The following CCNY variants were observed in gnomAD, a reference collection of about 807,000 sequenced individuals.
CCNY encodes cyclin Y.
CCNY carries 19 observed loss-of-function variants against 42.8 expected under a neutral mutation model. That is an observed-to-expected ratio of 0.44 (90% CI 0.31 to 0.65). The LOEUF (loss-of-function observed/expected upper bound fraction) is 0.65, where lower values mean the gene tolerates loss of function less well. Among genes scored for constraint, CCNY ranks in the 30% least tolerant of loss-of-function variants. The probability of loss-of-function intolerance (pLI) is 0.07; values close to 1 mark genes in which losing one functional copy is unlikely to be tolerated. For synonymous variants in CCNY, 165 were observed against 162.7 expected (o/e 1.01, Z -0.11); for missense variants, 370 against 437.3 (o/e 0.85, Z 1.37).
intron 3 of CCNY, chr10:35,316,449 CAT>C (rs1298832433): frequency 3.3e-5 from 5 of 152,180 alleles, no homozygotes; most frequent in African/African-American, 1.2e-4. Context: ...ACAGGATTAA[CAT>C]GTTTATAATA....
At chr10:35,483,702 A>G (rs759554789) in intron 2 of CCNY, among the ~76,000 whole-genome samples, 1 of 152,146 alleles carries the variant, frequency 6.6e-6, no homozygotes, top group South Asian at 2.1e-4. Flanking sequence ...TCAATCAGCT[A>G]TATTATTTCT....
chr10:35,360,275 T>C (rs1194148055), intron 1 of CCNY, among the ~76,000 whole-genome samples: 1 of 125,226 alleles, frequency 8.0e-6, no homozygotes, highest in African/African-American at 3.0e-5. Flanking sequence ...TTTTTTTTCC[T>C]TTCTTTTCTT....
intron 3 of CCNY, among the ~76,000 whole-genome samples, chr10:35,304,294 AT>A (rs879681124): frequency 0.024 from 2,643 of 110,844 alleles, 628 homozygotes; most frequent in African/African-American, 0.05. Context: ...TTCTCCTTTT[AT>A]TTTTTTTTTT....
At chr10:35,532,060 G>T (rs1840780691) in intron 7 of CCNY, among the ~76,000 whole-genome samples, 1 of 152,242 alleles carries the variant, frequency 6.6e-6, no homozygotes, top group African/African-American at 2.4e-5. Context: ...TTGTATGGGG[G>T]TCTTGTTGGT....
chr10:35,520,685 A>G (rs1016412577), intron 4 of CCNY, among the ~76,000 whole-genome samples: 4 of 152,222 alleles, frequency 2.6e-5, no homozygotes, highest in Non-Finnish European at 4.4e-5. Flanking sequence ...ATGCTAATCT[A>G]ACAGTGAAAG....
chr10:35,297,196 G>T (rs1835481135), intron 3 of CCNY, among the ~76,000 whole-genome samples: 1 of 151,676 alleles, frequency 6.6e-6, no homozygotes, highest in Admixed American at 6.6e-5. Context: ...AAAAAGATTG[G>T]TTCAACACAC....
chr10:35,569,461 G>A lies in CCNY; in HGVS notation c.*291G>A, dbSNP rs1289480873. 5 of 437,402 alleles carry A rather than the reference G, an allele frequency of 1.1e-5. No individual in the cohort carries two copies. In the East Asian group the frequency reaches 2.2e-4, roughly 19 times the overall value. 27.1% of individuals were successfully genotyped at this position (437,402 alleles called of 1,614,324 possible). On this transcript the variant is annotated 3_prime_UTR_variant, in exon 10 of 10. Coordinates refer to ENST00000374704, the MANE Select transcript of CCNY (RefSeq NM_145012.6). ...GGGAAAGGGAAGTCGTGGAGAGGCA[G>A]GGAAAATGGTTAAGCAGCCCGGCCC... is the stretch of plus-strand genomic sequence containing the variant.
intron 1 of CCNY, among the ~76,000 whole-genome samples, chr10:35,452,671 C>G (rs1198104867): frequency 1.3e-5 from 2 of 149,766 alleles, no homozygotes; most frequent in African/African-American, 4.9e-5. Flanking sequence ...AATTGAAAAA[C>G]TGTATGTGTC....
At chr10:35,434,521 A>T (rs1047489826) in intron 1 of CCNY, among the ~76,000 whole-genome samples, 11 of 152,332 alleles carry the variant, frequency 7.2e-5, no homozygotes, top group African/African-American at 2.4e-4. Context: ...AATGGTATTT[A>T]AAAAAGTTTT....
chr10:35,328,370 A>G (rs1366033591), intron 3 of CCNY, among the ~76,000 whole-genome samples: 1 of 152,242 alleles, frequency 6.6e-6, no homozygotes, highest in Non-Finnish European at 1.5e-5. Context: ...GAGCTGGGAT[A>G]TAGGCAGAAG....
chr10:35,524,549 G>C (rs889726652), intron 4 of CCNY, among the ~76,000 whole-genome samples: 1 of 152,182 alleles, frequency 6.6e-6, no homozygotes, highest in African/African-American at 2.4e-5. Context: ...TGTTCGGGCC[G>C]AGTCGGTACC....
At chr10:35,552,245 C>T (rs538923493) in intron 7 of CCNY, among the ~76,000 whole-genome samples, 3 of 152,060 alleles carry the variant, frequency 2.0e-5, no homozygotes, top group Non-Finnish European at 2.9e-5. Context: ...GGTCATTATG[C>T]GAAGTGATAA....
intron 9 of CCNY, among the ~76,000 whole-genome samples, chr10:35,568,345 C>T (rs939287431): frequency 1.3e-5 from 2 of 152,194 alleles, no homozygotes; most frequent in Non-Finnish European, 2.9e-5. Flanking sequence ...TCTTTCTCTT[C>T]TCCAAATAAT....
chr10:35,510,891 C>A (rs1457493146), intron 3 of CCNY, among the ~76,000 whole-genome samples: 1 of 152,214 alleles, frequency 6.6e-6, no homozygotes, highest in Non-Finnish European at 1.5e-5. Context: ...AAGTAACTTG[C>A]CCACATTTAC....
intron 8 of CCNY, among the ~76,000 whole-genome samples, chr10:35,559,655 A>G (rs539019863): frequency 1.3e-5 from 2 of 152,234 alleles, no homozygotes; most frequent in Non-Finnish European, 2.9e-5. Context: ...AAGGGCCCAG[A>G]GACAGGACAG....
At chr10:35,403,506 G>A (rs1220169563) in intron 1 of CCNY, among the ~76,000 whole-genome samples, 1 of 152,178 alleles carries the variant, frequency 6.6e-6, no homozygotes, top group Non-Finnish European at 1.5e-5. Context: ...GCGTTGCCCT[G>A]AGCCATGGGA....
At chr10:35,395,130 G>A (rs919806300) in intron 1 of CCNY, among the ~76,000 whole-genome samples, 1 of 152,196 alleles carries the variant, frequency 6.6e-6, no homozygotes, top group African/African-American at 2.4e-5. Flanking sequence ...GACTCAGACA[G>A]GTGACTCCCT....
At chr10:35,506,526 TTCTC>T (rs1306942683) in intron 3 of CCNY, among the ~76,000 whole-genome samples, 2 of 152,188 alleles carry the variant, frequency 1.3e-5, no homozygotes, top group Non-Finnish European at 2.9e-5. Context: ...GTGGAGGACT[TTCTC>T]TTTTCTTACC....
intron 1 of CCNY, among the ~76,000 whole-genome samples, chr10:35,406,157 A>G (rs921755581): frequency 2.0e-5 from 3 of 149,866 alleles, no homozygotes; most frequent in Non-Finnish European, 3.0e-5. Context: ...TTTGAGGGCC[A>G]GAGTCTAATT....
Sources: gnomAD v4.1 joint callset for allele counts (sites outside exome capture counted in the v4.1 genomes callset) on GRCh38, gnomAD v4.1.1 for gene constraint, MANE v1.5 for transcripts, NCBI Gene and HGNC (gene_info 2026-07-23, HGNC 2026-07-21) for gene names.